Variants in BUD23 observed in about 807,000 individuals in gnomAD.
BUD23 encodes the protein 18S rRNA (guanine-N(7))-methyltransferase.
A neutral mutation model predicts 47.0 loss-of-function variants in BUD23; 34 were observed. That is an observed-to-expected ratio of 0.72 (90% CI 0.55 to 0.96). BUD23 has a LOEUF of 0.96. Ranked by LOEUF, BUD23 falls within the 40% of genes least tolerant of loss-of-function variation. The pLI, the probability that BUD23 is intolerant of heterozygous loss-of-function variation, is 0.00. For missense variants in BUD23, 343 were observed against 361.2 expected, an observed-to-expected ratio of 0.95 and a Z score of 0.41; for synonymous variants, 124 against 132.0, an observed-to-expected ratio of 0.94 and a Z score of 0.41.
intron 2 of BUD23, among the ~76,000 whole-genome samples, chr7:73,684,267 C>T (rs114875799): frequency 0.017 from 2,617 of 152,092 alleles, 81 homozygotes; most frequent in African/African-American, 0.059. Context: ...GGGAGTGGCT[C>T]ACGCGTGTAA....
chr7:73,685,425 G>A (rs1051910122), intron 2 of BUD23, among the ~76,000 whole-genome samples: 14 of 152,242 alleles, frequency 9.2e-5, no homozygotes, highest in African/African-American at 2.7e-4. Flanking sequence ...AGAGGCACTC[G>A]CCACCACACC....
chr7:73,691,842 CAATTGT>C (rs1482210887), intron 6 of BUD23, among the ~76,000 whole-genome samples: 1 of 151,994 alleles, frequency 6.6e-6, no homozygotes, highest in African/African-American at 2.4e-5. Flanking sequence ...TGGCTTCAAG[CAATTGT>C]CTGGCATCAG....
At chr7:73,688,276 C>T (rs371084178) in intron 5 of BUD23, among the ~76,000 whole-genome samples, 6 of 151,542 alleles carry the variant, frequency 4.0e-5, no homozygotes, top group African/African-American at 1.5e-4. Context: ...TGCTTGAACC[C>T]GAGAGGCGGA....
intron 5 of BUD23, among the ~76,000 whole-genome samples, chr7:73,687,706 C>T (rs868950008): frequency 1.3e-5 from 2 of 152,152 alleles, no homozygotes; most frequent in East Asian, 1.9e-4. Context: ...GCTTTTAGTC[C>T]TGCAAGCCAG....
intron 10 of BUD23, chr7:73,697,081 T>A (rs1212448992): frequency 3.8e-6 from 1 of 259,964 alleles, no homozygotes; most frequent in Non-Finnish European, 7.5e-6. Flanking sequence ...TGGCTTGCCC[T>A]GTCTCTGGTT....
chr7:73,684,126 G>GA (rs1797844274), intron 2 of BUD23: 2 of 646,700 alleles, frequency 3.1e-6, no homozygotes, highest in Non-Finnish European at 2.5e-6. Flanking sequence ...CTGGTGGGGG[G>GA]AAGGAAGTAA....
At chr7:73,693,602 A>C (rs781851442) in intron 8 of BUD23, 22 bp from the exon 9 acceptor site, 1 of 1,614,164 alleles carries the variant, frequency 6.2e-7, no homozygotes, top group Non-Finnish European at 8.5e-7. Flanking sequence ...CCCAACCCTC[A>C]CTTTGCACTT....
Position 73,686,713 on chromosome 7 carries a change from G to C in BUD23, c.164G>C (p.Cys55Ser), listed in dbSNP as rs1554613048. The change falls in exon 3 of 12, where the codon TGT becomes TCT. Residue 55 changes from cysteine to serine, a missense_variant. Coordinates refer to ENST00000265758, the MANE Select transcript of BUD23 (RefSeq NM_017528.5). ...ELLYLPENKP[C>S]YLLDIGCGTG... ...CTTTATCTGCCAGAGAATAAGCCCT[G>C]TTACCTGCTGGATATTGGGTGAGAT... 9 of 1,614,182 alleles carry C rather than the reference G, an allele frequency of 5.6e-6. No individual in the cohort carries two copies. In the East Asian group the frequency reaches 1.6e-4, roughly 28 times the overall value.
At chr7:73,683,955 A>G (rs895530616) in intron 2 of BUD23, 151 bp downstream of exon 2, 10 of 1,542,792 alleles carry the variant, frequency 6.5e-6, no homozygotes, top group Non-Finnish European at 8.7e-6. Flanking sequence ...TGGTAAATCA[A>G]CTTTAAGTTG....
intron 5 of BUD23, among the ~76,000 whole-genome samples, chr7:73,688,933 G>A (rs1554613581): frequency 6.6e-6 from 1 of 152,196 alleles, no homozygotes; most frequent in East Asian, 1.9e-4. Context: ...ATGCTTTTTG[G>A]TAATGGTCAG....
Position 73,687,086 on chromosome 7 carries a change from G to A in BUD23, c.353G>A (p.Gly118Asp). The A allele has an allele frequency of 2.5e-6, 4 of 1,613,526 alleles. No homozygotes were observed. Among genetic ancestry groups the A allele is most frequent in the Non-Finnish European group, 3.4e-6 (4 of 1,180,016 alleles). Residue 118 changes from glycine (G) to aspartate (D), a missense_variant, in exon 5 of 12, where the codon GGT becomes GAT. Coordinates refer to ENST00000265758, the MANE Select transcript of BUD23 (RefSeq NM_017528.5). ...GIPFKPGTFDGCISISAVQWL... is the reference protein window; with the variant it reads ...GIPFKPGTFDDCISISAVQWL... ...CCATTCAAGCCAGGCACATTTGATG[G>A]TTGCATCAGGTGAGGGTCTTTAATT...
chr7:73,687,228 C>A (rs1281767874), intron 5 of BUD23, 133 bp downstream of exon 5: 1 of 910,818 alleles, frequency 1.1e-6, no homozygotes, highest in Admixed American at 2.4e-5. Flanking sequence ...GATCTGCCCA[C>A]CTCAGTCTCC....
At chr7:73,688,508 G>T (rs1798067059) in intron 5 of BUD23, among the ~76,000 whole-genome samples, 1 of 152,182 alleles carries the variant, frequency 6.6e-6, no homozygotes, top group Non-Finnish European at 1.5e-5. Flanking sequence ...CATCTTGTGG[G>T]CCCCAGCAGC....
intron 10 of BUD23, chr7:73,697,329 G>A (rs1221072311): frequency 9.9e-7 from 1 of 1,012,948 alleles, no homozygotes; most frequent in Non-Finnish European, 1.4e-6. Flanking sequence ...TTCCCGAAGA[G>A]GGAACAGACT....
chr7:73,693,989 C>G lies in BUD23; in HGVS notation c.643-3C>G. The G allele has an allele frequency of 1.2e-6, 2 of 1,612,160 alleles. No homozygotes were observed. Among genetic ancestry groups the G allele is most frequent in the South Asian group, 2.2e-5 (2 of 91,006 alleles). ...TGACCTGAGTGCACTTTGGTTCCTG[C>G]AGGGGCTGAGTGAAAATCAGGATGA... On this transcript the variant is annotated splice_polypyrimidine_tract_variant and splice_region_variant and intron_variant, in intron 9 of 11. Transcript: ENST00000265758.
At chr7:73,693,308 C>G in intron 7 of BUD23, 21 bp from the exon 8 acceptor site, 3 of 1,609,738 alleles carry the variant, frequency 1.9e-6, no homozygotes, top group South Asian at 1.1e-5. Flanking sequence ...GCTGCCTGAC[C>G]CGCTGCCTTT....
At chr7:73,685,339 A>G (rs935772372) in intron 2 of BUD23, among the ~76,000 whole-genome samples, 16 of 152,280 alleles carry the variant, frequency 1.1e-4, no homozygotes, top group East Asian at 1.9e-4. Flanking sequence ...GGGTCTCTCT[A>G]TTGCCCAGGC....
intron 6 of BUD23, 69 bp from the exon 7 acceptor site, chr7:73,692,527 A>C: frequency 1.8e-5 from 26 of 1,452,940 alleles, no homozygotes; most frequent in African/African-American, 4.2e-5. Context: ...GAATGAAGGA[A>C]GAGAGGGGTG....
rs782238035 is a variant in BUD23 at position 73,697,906 on chromosome 7, A to G, written c.*20A>G. The G allele has an allele frequency of 1.2e-6, 2 of 1,609,708 alleles. No individual in the cohort carries two copies. Among genetic ancestry groups the G allele is most frequent in the Non-Finnish European group, 1.7e-6 (2 of 1,178,816 alleles). On this transcript the variant is annotated 3_prime_UTR_variant, in exon 12 of 12. Transcript: ENST00000265758. ...TTCTAAGTCACCACGCGGTTCTGGA[A>G]AGGCACTTGCCTCTGCACTTTTCTA...
Sources: allele counts gnomAD v4.1 joint callset (sites outside exome capture counted in the v4.1 genomes callset), GRCh38; gene constraint gnomAD v4.1.1; transcripts MANE v1.5; gene names NCBI Gene and HGNC (gene_info 2026-07-23, HGNC 2026-07-21).